NLRC5: variants seen among roughly 807,000 people sequenced by gnomAD.
NLRC5 encodes protein NLRC5.
Under a neutral mutation model 206.9 loss-of-function variants are expected in NLRC5, and 114 were observed. That is an observed-to-expected ratio of 0.55 (90% confidence interval 0.47 to 0.64). The LOEUF (loss-of-function observed/expected upper bound fraction) is 0.64. NLRC5 is among the 30% of genes least tolerant of loss of function. The pLI is 0.00. For missense variants in NLRC5, 2,008 were observed against 2,305.5 expected, an observed-to-expected ratio of 0.87 and a Z score of 2.64; for synonymous variants, 952 against 962.8, an observed-to-expected ratio of 0.99 and a Z score of 0.21.
rs1427168398 is a variant in NLRC5 at position 57,083,124 on chromosome 16, G to A, written c.*596G>A. 6.6e-6 allele frequency: 1 copy of A among 152,348 alleles called. No homozygotes were observed. Among genetic ancestry groups the A allele is most frequent in the Non-Finnish European group, 1.5e-5 (1 of 68,150 alleles). 9.4% of individuals were successfully genotyped at this position (152,348 alleles called of 1,614,324 possible). Reference sequence around the variant, plus strand: ...GAGTGTCCATGCACTGACCAGTCCAGGGGCTCAAGGGCCAGGGCTCTGGAA... The same window carrying A: ...GAGTGTCCATGCACTGACCAGTCCAAGGGCTCAAGGGCCAGGGCTCTGGAA... On this transcript the variant is annotated 3_prime_UTR_variant, in exon 49 of 49. Transcript: ENST00000688547.
chr16:57,077,838 C>A (rs759674890), intron 42 of NLRC5, 36 bp downstream of exon 42: 2 of 1,583,448 alleles, frequency 1.3e-6, no homozygotes, highest in Non-Finnish European at 1.7e-6. Flanking sequence ...GCCCTCTGTG[C>A]CCCCCAGGTC....
chr16:57,080,140 G>A (rs1339527911), intron 46 of NLRC5, among the ~76,000 whole-genome samples: 1 of 152,192 alleles, frequency 6.6e-6, no homozygotes, highest in Non-Finnish European at 1.5e-5. Context: ...TCTAGGACTA[G>A]CCTGGGACCC....
rs1360592885 is a variant in NLRC5, at chr16:57,077,388, C to T, written c.4919+9C>T. 6.2e-7 allele frequency: 1 copy of T among 1,612,830 alleles called. No individual in the cohort carries two copies. The highest frequency in any genetic ancestry group is 1.7e-5 in the Admixed American group (1 of 59,974). On this transcript the variant is annotated intron_variant, in intron 41 of 48. Coordinates refer to ENST00000688547, the MANE Select transcript of NLRC5 (RefSeq NM_001384950.1). Reference sequence around the variant, plus strand: ...GAGCTCAGGAAGATAGAGTGAGTAGCCAGCCCTACAGAGGAGGGCCACAGG... The same window carrying T: ...GAGCTCAGGAAGATAGAGTGAGTAGTCAGCCCTACAGAGGAGGGCCACAGG...
rs773890385 is a variant in NLRC5, at chr16:57,054,819, G to A, written c.3575G>A (p.Arg1192Gln). The change falls in exon 25 of 49, where the codon CGG (arginine) becomes CAG (glutamine). Residue 1192 changes from arginine (R) to glutamine (Q), a missense_variant. Arg to Gln is a conservative substitution (Grantham distance 43, BLOSUM62 1). Coordinates refer to ENST00000688547, the MANE Select transcript of NLRC5 (RefSeq NM_001384950.1). Reference sequence around the variant, plus strand: ...GCCAACACCTTAAGCCTGTGTCCACGGGTTAAAAAGGTGGATCTCAGGTGG... The same window carrying A: ...GCCAACACCTTAAGCCTGTGTCCACAGGTTAAAAAGGTGGATCTCAGGTGG... ...LLANTLSLCP[R>Q]VKKVDLRSLH... The A allele has an allele frequency of 3.2e-5, 51 of 1,614,082 alleles. No individual in the cohort carries two copies. Among genetic ancestry groups the A allele is most frequent in the African/African-American group, 8.0e-5 (6 of 74,932 alleles).
intron 28 of NLRC5, 127 bp from the exon 29 acceptor site, chr16:57,058,845 A>G: frequency 1.2e-6 from 1 of 813,082 alleles, no homozygotes; most frequent in Non-Finnish European, 2.1e-6. Context: ...CCATCTGGAG[A>G]ATAGATGCTT....
At position 57,026,861 on chromosome 16, in the gene NLRC5, C is replaced by A. The variant is rs770666274; in HGVS notation, c.1918C>A (p.Pro640Thr). The change falls in exon 6 of 49, where the codon CCC (proline) becomes ACC (threonine). Residue 640 changes from proline (P) to threonine (T), a missense_variant. Physicochemically the swap from Pro to Thr is conservative, Grantham distance 38 (BLOSUM62 -1). Coordinates refer to ENST00000688547, the MANE Select transcript of NLRC5 (RefSeq NM_001384950.1). Reference protein sequence around the residue: ...LTAQSLPYQLPFHNFPLTCTD... With the variant: ...LTAQSLPYQLTFHNFPLTCTD... ...CGCACAAAGCCTCCCCTATCAACTGCCCTTCCACAATTTCCCACTGACCTG... is the reference window on the plus strand; with the variant it reads ...CGCACAAAGCCTCCCCTATCAACTGACCTTCCACAATTTCCCACTGACCTG... 4 of 1,614,240 alleles carry A rather than the reference C, an allele frequency of 2.5e-6. No individual in the cohort carries two copies. Among genetic ancestry groups the A allele is most frequent in the Non-Finnish European group, 3.4e-6 (4 of 1,180,040 alleles).
rs762040833 is a variant in NLRC5 at position 57,025,862 on chromosome 16, G to C, written c.919G>C (p.Asp307His). 1 of 1,614,242 alleles carries C rather than the reference G, an allele frequency of 6.2e-7. No individual in the cohort carries two copies. Among genetic ancestry groups the C allele is most frequent in the Admixed American group, 1.7e-5 (1 of 60,034 alleles). The part of the protein sequence containing the change: ...KNADQVLLIF[D>H]GLDEALQPMG... ...CGCTGACCAAGTCCTGCTGATCTTT[G>C]ATGGGCTAGATGAGGCCCTCCAGCC... The change falls in exon 6 of 49, where the codon GAT becomes CAT. Residue 307 changes from aspartate (D) to histidine (H), a missense_variant. Transcript: ENST00000688547.
rs770326888 is a variant in NLRC5, at chr16:57,026,259, A to T, written c.1316A>T (p.Tyr439Phe). Reference protein sequence around the residue: ...VALLPNMTQLYMQMVLALSPP... With the variant: ...VALLPNMTQLFMQMVLALSPP... Reference sequence around the variant, plus strand: ...CTCCTGCCCAACATGACTCAGCTCTATATGCAGATGGTGCTCGCCCTCAGC... The same window carrying T: ...CTCCTGCCCAACATGACTCAGCTCTTTATGCAGATGGTGCTCGCCCTCAGC... Residue 439 changes from tyrosine (Y) to phenylalanine (F), a missense_variant, in exon 6 of 49, where the codon TAT becomes TTT. Tyr to Phe is a conservative substitution (Grantham distance 22). Transcript: ENST00000688547. The T allele has an allele frequency of 1.2e-6, 2 of 1,613,956 alleles. No individual in the cohort carries two copies. Among genetic ancestry groups the T allele is most frequent in the African/African-American group, 1.3e-5 (1 of 75,052 alleles).
Position 57,079,141 on chromosome 16 carries a change from G to T in NLRC5, c.5165+8G>T, listed in dbSNP as rs777057183. 3 of 1,614,012 alleles carry T rather than the reference G, an allele frequency of 1.9e-6. No individual in the cohort carries two copies. In the South Asian group the frequency reaches 3.3e-5, roughly 18 times the overall value. ...CCATTTGGAAGAGATCAGGTAAGTA[G>T]GGGCTGCCCAGCCCAGGCACGGGGA... On this transcript the variant is annotated splice_region_variant and intron_variant, in intron 44 of 48. Coordinates refer to ENST00000688547, the MANE Select transcript of NLRC5 (RefSeq NM_001384950.1).
chr16:57,028,021 T>C (rs1396387523), intron 6 of NLRC5, 51 bp from the exon 7 acceptor site: 1 of 1,363,694 alleles, frequency 7.3e-7, no homozygotes, highest in Admixed American at 1.8e-5. Context: ...CGATGACTTC[T>C]CAGCTCTGCC....
At chr16:57,030,137 G>C in intron 10 of NLRC5, 53 bp downstream of exon 10, 5 of 1,456,172 alleles carry the variant, frequency 3.4e-6, no homozygotes, top group Non-Finnish European at 4.8e-6. Flanking sequence ...AAAGAGGAGG[G>C]GAAAGTGGGA....
At chr16:57,043,455 A>C (rs2063535811) in intron 19 of NLRC5, 60 bp from the exon 20 acceptor site, 3 of 1,269,078 alleles carry the variant, frequency 2.4e-6, no homozygotes, top group Non-Finnish European at 3.5e-6. Context: ...TGCCCTGACC[A>C]CAAAGAGGAT....
intron 1 of NLRC5, among the ~76,000 whole-genome samples, chr16:57,011,635 T>A (rs2059509477): frequency 6.6e-6 from 1 of 150,742 alleles, no homozygotes; most frequent in African/African-American, 2.4e-5. Context: ...GGCAGGGGAA[T>A]CACTTGAACT....
intron 43 of NLRC5, 105 bp from the exon 44 acceptor site, chr16:57,078,945 C>T: frequency 1.9e-6 from 2 of 1,030,122 alleles, no homozygotes; most frequent in South Asian, 1.4e-5. Flanking sequence ...GGGAATTAGC[C>T]AGAGACTGTC....
chr16:57,080,481 A>ATTTTTTTT (rs34595999), intron 46 of NLRC5, among the ~76,000 whole-genome samples: 12 of 111,158 alleles, frequency 1.1e-4, no homozygotes, highest in Admixed American at 3.3e-4. Context: ...TCCTTTCAAG[A>ATTTTTTTT]TTTTTTTTTT....
intron 19 of NLRC5, 32 bp downstream of exon 19, chr16:57,042,097 C>G (rs771683655): frequency 7.1e-7 from 1 of 1,409,580 alleles, no homozygotes; most frequent in South Asian, 1.4e-5. Flanking sequence ...GCCTCTGAGG[C>G]TGGGGCAGGG....
At chr16:57,070,002 G>A in intron 37 of NLRC5, 83 bp downstream of exon 37, 2 of 1,146,572 alleles carry the variant, frequency 1.7e-6, no homozygotes, top group Non-Finnish European at 2.5e-6. Flanking sequence ...GTTTGGGAGG[G>A]CAGGCAATGA....
At chr16:57,066,422 A>C in intron 33 of NLRC5, 112 bp from the exon 34 acceptor site, 5 of 861,974 alleles carry the variant, frequency 5.8e-6, no homozygotes, top group Non-Finnish European at 9.5e-6. Context: ...GCAGGGGAGA[A>C]GGGGACCCAG....
intron 1 of NLRC5, among the ~76,000 whole-genome samples, chr16:57,003,685 G>T (rs1367283114): frequency 4.0e-5 from 6 of 151,570 alleles, no homozygotes; most frequent in Admixed American, 2.0e-4. Flanking sequence ...CTATCATCAC[G>T]CTCCAGTTCT....
Sources: gnomAD v4.1 joint callset for allele counts (sites outside exome capture counted in the v4.1 genomes callset) on GRCh38, gnomAD v4.1.1 for gene constraint, MANE v1.5 for transcripts, NCBI Gene and HGNC (gene_info 2026-07-23, HGNC 2026-07-21) for gene names.